PTPRT: variants seen among roughly 807,000 people sequenced by gnomAD.
The protein encoded by PTPRT is receptor-type tyrosine-protein phosphatase T.
In PTPRT, 56 loss-of-function variants were observed where a neutral mutation model predicts 176.8. That is an observed-to-expected ratio of 0.32 (90% CI 0.26 to 0.40). The LOEUF (loss-of-function observed/expected upper bound fraction) is 0.40, where lower values mean the gene tolerates loss of function less well. PTPRT is among the 10% of genes least tolerant of loss of function. PTPRT has a pLI of 1.00. For synonymous variants in PTPRT, 783 were observed against 739.0 expected, an observed-to-expected ratio of 1.06 and a Z score of -0.96; for missense variants, 1,540 against 1,908.2, an observed-to-expected ratio of 0.81 and a Z score of 3.60.
At position 43,083,320 on chromosome 20, in the gene PTPRT, GTATATATATATATATATATATATATA is replaced by G. The variant is rs779087395; in HGVS notation, c.88+106300_88+106325del. 1.1e-3 allele frequency among the ~76,000 whole-genome samples: 41 copies of G among 37,386 alleles called. 1 individual carries two copies. Among genetic ancestry groups the G allele is most frequent in the Admixed American group, 2.0e-3 (6 of 3,000 alleles). The allele number at this position is 37,386 out of a possible 152,430, so 24.5% of individuals were successfully genotyped here. Reference sequence around the variant, plus strand: ...ACCATAAGATTCACCCACTTCAAATGTATATATATATATATATATATATATATATATATATATATATATATATATAC... The same window carrying G: ...ACCATAAGATTCACCCACTTCAAATGTATATATATATATATATATATATAC... On this transcript the variant is annotated intron_variant, in intron 1 of 30. Transcript: ENST00000373187.
chr20:42,277,567 A>G (rs2057062052), intron 13 of PTPRT, among the ~76,000 whole-genome samples: 1 of 152,216 alleles, frequency 6.6e-6, no homozygotes, highest in African/African-American at 2.4e-5. Context: ...GAAATGGTAG[A>G]CAGAATCTAT....
chr20:42,572,517 T>C (rs963957208), intron 7 of PTPRT, among the ~76,000 whole-genome samples: 4 of 152,018 alleles, frequency 2.6e-5, no homozygotes, highest in African/African-American at 9.7e-5. Flanking sequence ...TGGAATGCTC[T>C]CCTCACATTC....
intron 1 of PTPRT, among the ~76,000 whole-genome samples, chr20:42,900,572 TGCCACCCAGA>T (rs2079386494): frequency 6.6e-6 from 1 of 152,146 alleles, no homozygotes; most frequent in Non-Finnish European, 1.5e-5. Context: ...AAAGTGGTAA[TGCCACCCAGA>T]GCCCATATCA....
chr20:43,157,884 G>A (rs1229812136), intron 1 of PTPRT, among the ~76,000 whole-genome samples: 1 of 152,180 alleles, frequency 6.6e-6, no homozygotes, highest in Non-Finnish European at 1.5e-5. Flanking sequence ...GGACTAAATA[G>A]TCATGGGCCC....
At chr20:42,997,087 CATCTGTGAAAGGAGCGGGAAAAAAATCT>C (rs761494517) in intron 1 of PTPRT, among the ~76,000 whole-genome samples, 7 of 152,154 alleles carry the variant, frequency 4.6e-5, no homozygotes, top group Non-Finnish European at 8.8e-5. Context: ...TCCATTTTCT[CATCTGTGAAAGGAGCGGGAAAAAAATCT>C]ATCTCAGAAG....
chr20:42,898,962 G>C (rs989517054), intron 1 of PTPRT, among the ~76,000 whole-genome samples: 3 of 152,166 alleles, frequency 2.0e-5, no homozygotes, highest in Admixed American at 6.5e-5. Context: ...CTGAAAAGTG[G>C]TCCCGCCCAA....
chr20:42,775,611 AAG>A (rs1300836820), intron 4 of PTPRT, among the ~76,000 whole-genome samples: 17 of 136,074 alleles, frequency 1.2e-4, no homozygotes, highest in Non-Finnish European at 2.8e-4. Context: ...TTCCGTTTGT[AAG>A]AGAAAATAAT....
chr20:42,224,042 C>T (rs1485837797), intron 15 of PTPRT, among the ~76,000 whole-genome samples: 1 of 152,146 alleles, frequency 6.6e-6, no homozygotes, highest in Non-Finnish European at 1.5e-5. Flanking sequence ...ATATACCCAC[C>T]AATTCCCACC....
intron 7 of PTPRT, among the ~76,000 whole-genome samples, chr20:42,474,652 T>C (rs1284702646): frequency 6.6e-6 from 1 of 152,170 alleles, no homozygotes; most frequent in East Asian, 1.9e-4. Context: ...GTGGTCCCTG[T>C]AGCTGGGGAT....
In PTPRT at chr20:42,824,321, GT is replaced by G. The variant is rs142617961; in HGVS notation, c.215-32856del. 4.8e-3 allele frequency among the ~76,000 whole-genome samples: 718 copies of G among 150,970 alleles called. 8 individuals carry two copies. Among genetic ancestry groups the G allele is most frequent in the African/African-American group, 0.017 (696 of 41,260 alleles). On this transcript the variant is annotated intron_variant, in intron 2 of 30. Coordinates refer to ENST00000373187, the MANE Select transcript of PTPRT (RefSeq NM_007050.6). ...GTCTCTCTCTCTTTTGTTTTGTTTT[GT>G]TTTTTTTCATAAAGTGTAACTAGAA...
chr20:42,258,010 C>T lies in PTPRT; in HGVS notation c.2177-9188G>A, dbSNP rs147875750. ...ACAGAGATTATTCTCTTTAACCTAT[C>T]GTACTACTCTGTCACCTCTCTAATA... is the stretch of plus-strand genomic sequence containing the variant. On this transcript the variant is annotated intron_variant, in intron 13 of 30. Transcript: ENST00000373187. 3.3e-5 allele frequency among the ~76,000 whole-genome samples: 5 copies of T among 152,168 alleles called. No individual in the cohort carries two copies. In the South Asian group the frequency reaches 6.2e-4, roughly 19 times the overall value.
intron 7 of PTPRT, among the ~76,000 whole-genome samples, chr20:42,482,638 A>T (rs1402685667): frequency 6.6e-6 from 1 of 152,158 alleles, no homozygotes; most frequent in Non-Finnish European, 1.5e-5. Context: ...AGATAGTAGT[A>T]AGTGCTGTGG....
intron 25 of PTPRT, among the ~76,000 whole-genome samples, chr20:42,104,320 A>G (rs998783715): frequency 7.9e-5 from 12 of 152,200 alleles, no homozygotes; most frequent in African/African-American, 2.4e-4. Context: ...AGTAAAAAAA[A>G]GAAGAAATGT....
chr20:42,946,064 T>G (rs1288658720), intron 1 of PTPRT, among the ~76,000 whole-genome samples: 3 of 152,224 alleles, frequency 2.0e-5, no homozygotes, highest in Admixed American at 2.0e-4. Flanking sequence ...GATCACTATG[T>G]CCTTGCAAGT....
rs915817215 is a variant in PTPRT at position 42,262,876 on chromosome 20, A to C, written c.2177-14054T>G. The stretch of plus-strand genomic sequence containing the variant: ...GGAGGGGGTTGCAGTTCTTTGTGCC[A>C]AGTGGCCCACCCAGTTGACTATCTC... On this transcript the variant is annotated intron_variant, in intron 13 of 30. Transcript: ENST00000373187. 3.6e-4 allele frequency among the ~76,000 whole-genome samples: 55 copies of C among 152,310 alleles called. 1 individual carries two copies. Among genetic ancestry groups the C allele is most frequent in the African/African-American group, 1.3e-3 (54 of 41,582 alleles).
intron 9 of PTPRT, among the ~76,000 whole-genome samples, chr20:42,413,909 G>A (rs912430252): frequency 6.6e-6 from 1 of 152,130 alleles, no homozygotes; most frequent in African/African-American, 2.4e-5. Context: ...GGAGTGCAGT[G>A]GCGCAATCTT....
At chr20:42,625,446 T>G (rs1422551947) in intron 7 of PTPRT, among the ~76,000 whole-genome samples, 3 of 152,094 alleles carry the variant, frequency 2.0e-5, no homozygotes, top group Non-Finnish European at 4.4e-5. Flanking sequence ...GTTTTTTTTT[T>G]TCTTTAATTC....
chr20:42,113,010 C>G (rs1443714625), intron 22 of PTPRT, among the ~76,000 whole-genome samples: 2 of 152,178 alleles, frequency 1.3e-5, no homozygotes, highest in African/African-American at 2.4e-5. Flanking sequence ...CTCCCCGATG[C>G]GTCTGTGCTG....
At chr20:42,330,207 A>G (rs912957983) in intron 11 of PTPRT, among the ~76,000 whole-genome samples, 10 of 152,348 alleles carry the variant, frequency 6.6e-5, no homozygotes, top group Non-Finnish European at 1.5e-4. Context: ...GCGGTGGCTC[A>G]TGCCTGTAAT....
Sources: gnomAD v4.1 joint callset for allele counts (sites outside exome capture counted in the v4.1 genomes callset) on GRCh38, gnomAD v4.1.1 for gene constraint, MANE v1.5 for transcripts, NCBI Gene and HGNC (gene_info 2026-07-23, HGNC 2026-07-21) for gene names.